ATP6V0A4: variants seen among roughly 807,000 people sequenced by gnomAD.
The protein encoded by ATP6V0A4 is ATPase H+ transporting V0 subunit a4, also known as V-type proton ATPase 116 kDa subunit a 4.
In ATP6V0A4, 86 loss-of-function variants were observed where a neutral mutation model predicts 107.3. The observed-to-expected ratio is 0.80, with a 90% CI of 0.67 to 0.96. The LOEUF is 0.96. Ranked by LOEUF, ATP6V0A4 falls within the 40% of genes least tolerant of loss-of-function variation. ATP6V0A4 has a pLI of 0.00. For synonymous variants in ATP6V0A4, 353 were observed against 381.4 expected (o/e 0.93, Z 0.87); for missense variants, 908 against 1,045.6 (o/e 0.87, Z 1.81).
At chr7:138,741,904 C>T (rs2117262530) in intron 14 of ATP6V0A4, among the ~76,000 whole-genome samples, 1 of 152,278 alleles carries the variant, frequency 6.6e-6, no homozygotes, top group African/African-American at 2.4e-5. Flanking sequence ...TGAGGTTCTG[C>T]CTTATACTCC....
intron 10 of ATP6V0A4, 41 bp from the exon 11 acceptor site, chr7:138,752,878 C>T (rs1201033803): frequency 1.2e-6 from 2 of 1,608,630 alleles, no homozygotes; most frequent in Non-Finnish European, 1.7e-6. Flanking sequence ...AGAACCTTCA[C>T]AGAGCTGTTT....
chr7:138,707,344 TA>T (rs1229335118), intron 21 of ATP6V0A4, among the ~76,000 whole-genome samples: 2 of 105,560 alleles, frequency 1.9e-5, no homozygotes, highest in Non-Finnish European at 3.6e-5. Flanking sequence ...ATAATATATA[TA>T]TTATAATATA....
intron 17 of ATP6V0A4, among the ~76,000 whole-genome samples, chr7:138,730,931 C>T (rs541706114): frequency 4.8e-5 from 6 of 123,760 alleles, no homozygotes; most frequent in South Asian, 2.7e-4. Flanking sequence ...TCTTCTTCTT[C>T]TTTTTTTATT....
At chr7:138,730,634 G>T (rs907679253) in intron 17 of ATP6V0A4, among the ~76,000 whole-genome samples, 1 of 152,152 alleles carries the variant, frequency 6.6e-6, no homozygotes, top group African/African-American at 2.4e-5. Flanking sequence ...CAGACTAAGT[G>T]AGGACTTCAG....
intron 21 of ATP6V0A4, 70 bp downstream of exon 21, chr7:138,709,554 G>C (rs1181748662): frequency 6.8e-7 from 1 of 1,471,406 alleles, no homozygotes; most frequent in Admixed American, 1.7e-5. Context: ...TCTGAACCCA[G>C]TCGGCTGGCC....
chr7:138,770,995 T>A, intron 3 of ATP6V0A4, 136 bp downstream of exon 3: 2 of 967,316 alleles, frequency 2.1e-6, no homozygotes, highest in Non-Finnish European at 3.3e-6. Flanking sequence ...GCACTAAAAC[T>A]ACAGAATTTC....
intron 10 of ATP6V0A4, among the ~76,000 whole-genome samples, chr7:138,753,356 G>C (rs1038341768): frequency 2.0e-5 from 3 of 152,288 alleles, no homozygotes; most frequent in East Asian, 3.9e-4. Context: ...GAGGCAAGGA[G>C]GGGGCTCCCT....
At chr7:138,770,706 G>A (rs76817258) in intron 3 of ATP6V0A4, among the ~76,000 whole-genome samples, 4,795 of 152,198 alleles carry the variant, frequency 0.032, 103 homozygotes, top group Non-Finnish European at 0.047. Context: ...ACTCAATCCC[G>A]GGTATGACAA....
intron 3 of ATP6V0A4, among the ~76,000 whole-genome samples, chr7:138,770,682 A>C (rs1807336204): frequency 1.3e-5 from 2 of 152,324 alleles, no homozygotes; most frequent in Non-Finnish European, 2.9e-5. Flanking sequence ...CTAACTCTAG[A>C]ATATCACTCT....
At chr7:138,730,386 G>GTGTGTGTGT (rs1194328965) in intron 17 of ATP6V0A4, among the ~76,000 whole-genome samples, 5 of 149,476 alleles carry the variant, frequency 3.3e-5, no homozygotes, top group South Asian at 2.1e-4. Context: ...GTGTGTGTGT[G>GTGTGTGTGT]GCTATCCTTT....
intron 2 of ATP6V0A4, among the ~76,000 whole-genome samples, chr7:138,781,822 T>C (rs112491493): frequency 0.038 from 5,228 of 136,120 alleles, 325 homozygotes; most frequent in African/African-American, 0.14. Context: ...TTTAAAGAAA[T>C]TTTTCTCTGT....
chr7:138,707,068 A>ATATGTGTGTGTGTGTGTGTG (rs1554385692), intron 21 of ATP6V0A4, among the ~76,000 whole-genome samples: 4 of 90,090 alleles, frequency 4.4e-5, no homozygotes, highest in African/African-American at 1.0e-4. Flanking sequence ...GCTAATTTAT[A>ATATGTGTGTGTGTGTGTGTG]TGTGTGTGTG....
At chr7:138,730,114 G>A (rs1804913383) in intron 17 of ATP6V0A4, among the ~76,000 whole-genome samples, 1 of 152,122 alleles carries the variant, frequency 6.6e-6, no homozygotes, top group African/African-American at 2.4e-5. Context: ...TCGATCTCCT[G>A]ACCTCGTGAT....
At chr7:138,767,644 CAA>C (rs201479201) in intron 5 of ATP6V0A4, among the ~76,000 whole-genome samples, 6 of 97,356 alleles carry the variant, frequency 6.2e-5, no homozygotes, top group African/African-American at 3.6e-5. Context: ...AAGTTATCTT[CAA>C]AAAAAAAAAA....
intron 21 of ATP6V0A4, among the ~76,000 whole-genome samples, chr7:138,707,831 A>G (rs764226392): frequency 4.5e-4 from 67 of 150,284 alleles, no homozygotes; most frequent in Non-Finnish European, 7.5e-4. Context: ...CTCTTCCTTC[A>G]TGGAAGGAGC....
At chr7:138,772,659 A>G (rs149903388) in intron 2 of ATP6V0A4, among the ~76,000 whole-genome samples, 22 of 152,338 alleles carry the variant, frequency 1.4e-4, no homozygotes, top group African/African-American at 5.1e-4. Context: ...CCAAAGTTTA[A>G]CTGTGAAACT....
chr7:138,771,182 T>C lies in ATP6V0A4; in HGVS notation c.66A>G (p.Ala22=), dbSNP rs1455012162. 1.2e-6 allele frequency: 2 copies of C among 1,614,178 alleles called. No individual in the cohort carries two copies. The highest frequency in any genetic ancestry group is 2.7e-5 in the African/African-American group (2 of 75,044). ...CTCCGAGCTCAGCCACACAGCAATA[T>C]GCAGCTTCCACCTGGAGAAACAGTT... ...LSQLFLQVEA[A]YCCVAELGEL... The change falls in exon 3 of 22, where the codon GCA becomes GCG. Residue 22 remains alanine, a synonymous_variant. Transcript: ENST00000310018.
At chr7:138,725,871 G>A (rs538022215) in intron 18 of ATP6V0A4, among the ~76,000 whole-genome samples, 4 of 152,052 alleles carry the variant, frequency 2.6e-5, no homozygotes, top group Non-Finnish European at 4.4e-5. Flanking sequence ...TGACACGAAC[G>A]TGTTCATGCT....
intron 13 of ATP6V0A4, among the ~76,000 whole-genome samples, chr7:138,747,090 G>A (rs1482124168): frequency 1.3e-5 from 2 of 152,008 alleles, no homozygotes; most frequent in South Asian, 2.1e-4. Context: ...TTTTCTCTCG[G>A]TCATTAGATG....
Sources: gnomAD v4.1 joint callset for allele counts (sites outside exome capture counted in the v4.1 genomes callset) on GRCh38, gnomAD v4.1.1 for gene constraint, MANE v1.5 for transcripts, NCBI Gene and HGNC (gene_info 2026-07-23, HGNC 2026-07-21) for gene names.